SNX29: variants seen among roughly 807,000 people sequenced by gnomAD.
The protein encoded by SNX29 is sorting nexin 29, also known as sorting nexin-29.
A neutral mutation model predicts 102.1 loss-of-function variants in SNX29; 78 were observed. The ratio of observed to expected loss-of-function variants is 0.76; its 90% CI spans 0.64 to 0.92. The LOEUF (loss-of-function observed/expected upper bound fraction) is 0.92. SNX29 is among the 40% of genes least tolerant of loss of function. SNX29 has a pLI of 0.00. For synonymous variants in SNX29, 580 were observed against 414.5 expected, an observed-to-expected ratio of 1.40 and a Z score of -4.85; for missense variants, 1,280 against 1,061.7, an observed-to-expected ratio of 1.21 and a Z score of -2.86.
At chr16:12,366,047 A>C (rs1239197015) in intron 16 of SNX29, among the ~76,000 whole-genome samples, 2 of 105,224 alleles carry the variant, frequency 1.9e-5, no homozygotes, top group African/African-American at 1.0e-4. Context: ...TGTCTCAAAA[A>C]AAAAAAAAAA....
chr16:12,436,891 G>C, intron 18 of SNX29, among the ~76,000 whole-genome samples: 1 of 152,132 alleles, frequency 6.6e-6, no homozygotes, highest in African/African-American at 2.4e-5. Flanking sequence ...GGCCTCAAGT[G>C]GTCTGCCTGC....
At chr16:12,174,347 G>C (rs1018257382) in intron 13 of SNX29, among the ~76,000 whole-genome samples, 1 of 152,198 alleles carries the variant, frequency 6.6e-6, no homozygotes, top group Non-Finnish European at 1.5e-5. Flanking sequence ...AGTTAGCCTA[G>C]TGACCTCTTT....
chr16:12,113,839 C>T (rs1355658554), intron 11 of SNX29, among the ~76,000 whole-genome samples: 6 of 152,220 alleles, frequency 3.9e-5, no homozygotes, highest in Non-Finnish European at 7.3e-5. Flanking sequence ...TAATGTGCCA[C>T]ATTCACTTGC....
chr16:12,556,091 C>A (rs1049460617), intron 20 of SNX29, among the ~76,000 whole-genome samples: 1 of 152,154 alleles, frequency 6.6e-6, no homozygotes, highest in Admixed American at 6.5e-5. Flanking sequence ...TTAATTTCTG[C>A]TTTCATTGAG....
chr16:12,179,900 A>T (rs2076343458), intron 13 of SNX29, among the ~76,000 whole-genome samples: 1 of 146,202 alleles, frequency 6.8e-6, no homozygotes, highest in Non-Finnish European at 1.5e-5. Flanking sequence ...GCCCAAAGGA[A>T]CTCTTCTTTC....
intron 20 of SNX29, among the ~76,000 whole-genome samples, chr16:12,538,498 A>T (rs1033461910): frequency 1.3e-5 from 2 of 152,170 alleles, no homozygotes; most frequent in Middle Eastern, 6.3e-3. Flanking sequence ...CATCTATGAT[A>T]CTTTGTTGGT....
chr16:12,163,157 C>G (rs1421150262), intron 13 of SNX29, among the ~76,000 whole-genome samples: 1 of 152,224 alleles, frequency 6.6e-6, no homozygotes, highest in Non-Finnish European at 1.5e-5. Flanking sequence ...CCTGGGATTA[C>G]AGGCGTGAGC....
intron 18 of SNX29, among the ~76,000 whole-genome samples, chr16:12,451,514 G>GT (rs1404476446): frequency 6.6e-6 from 1 of 152,202 alleles, no homozygotes. Context: ...ATTCCATGCA[G>GT]CAGCCTTTTA....
chr16:12,396,421 C>T (rs2083723945), intron 16 of SNX29, among the ~76,000 whole-genome samples: 3 of 152,088 alleles, frequency 2.0e-5, no homozygotes, highest in East Asian at 1.9e-4. Flanking sequence ...AAGGCGGTGG[C>T]GATTGTGTGT....
chr16:12,340,065 A>C (rs2081568395), intron 15 of SNX29, among the ~76,000 whole-genome samples: 2 of 152,268 alleles, frequency 1.3e-5, no homozygotes, highest in African/African-American at 2.4e-5. Context: ...CAAATGAGGA[A>C]TTGGAGACGA....
chr16:12,309,633 G>T (rs150144831), intron 15 of SNX29, among the ~76,000 whole-genome samples: 2 of 152,292 alleles, frequency 1.3e-5, no homozygotes, highest in Non-Finnish European at 2.9e-5. Context: ...GGTCTTTTCT[G>T]AGCATGTGGT....
chr16:12,057,184 T>C (rs1475399675), intron 8 of SNX29, among the ~76,000 whole-genome samples: 1 of 152,208 alleles, frequency 6.6e-6, no homozygotes, highest in Non-Finnish European at 1.5e-5. Context: ...GAAACATAAT[T>C]CAGAAAGGAC....
intron 3 of SNX29, among the ~76,000 whole-genome samples, chr16:12,022,895 CTTTT>C (rs34712388): frequency 2.4e-5 from 3 of 124,164 alleles, no homozygotes; most frequent in Non-Finnish European, 1.7e-5. Context: ...TACCTTATTC[CTTTT>C]TTTTTTTTTT....
chr16:12,127,953 G>A (rs143327649), intron 12 of SNX29, among the ~76,000 whole-genome samples: 4 of 152,024 alleles, frequency 2.6e-5, no homozygotes, highest in Non-Finnish European at 5.9e-5. Flanking sequence ...GTGGGGAGAG[G>A]GGGGTGTGTG....
intron 3 of SNX29, among the ~76,000 whole-genome samples, chr16:12,004,467 C>T (rs908776423): frequency 1.3e-5 from 2 of 152,160 alleles, no homozygotes; most frequent in African/African-American, 4.8e-5. Context: ...GTAGGAGACA[C>T]ATAGGCATCC....
chr16:12,016,878 G>C (rs778693651), intron 3 of SNX29, among the ~76,000 whole-genome samples: 2 of 151,994 alleles, frequency 1.3e-5, no homozygotes, highest in African/African-American at 4.8e-5. Context: ...TATAATTCTA[G>C]CACTTTGGGA....
intron 15 of SNX29, among the ~76,000 whole-genome samples, chr16:12,303,787 T>A (rs1358383184): frequency 6.6e-6 from 1 of 152,228 alleles, no homozygotes; most frequent in Non-Finnish European, 1.5e-5. Context: ...AATTAGATGT[T>A]CTGGAAGCAT....
At position 12,477,809 on chromosome 16, in the gene SNX29, C is replaced by T. The variant is rs755225287; in HGVS notation, c.2128C>T (p.Pro710Ser). ...SLHHKLQNKY[P>S]QVRAYNFPPK... ...GCACCACAAGTTACAAAACAAGTAC[C>T]CTCAAGTGAGGGCCTACAACTTCCC... The change falls in exon 19 of 21, where the codon CCT becomes TCT. Residue 710 changes from proline (P) to serine (S), a missense_variant. Coordinates refer to ENST00000566228, the MANE Select transcript of SNX29 (RefSeq NM_032167.5). The T allele has an allele frequency of 2.5e-6, 4 of 1,613,336 alleles. No individual in the cohort carries two copies. The highest frequency in any genetic ancestry group is 3.3e-5 in the Admixed American group (2 of 59,822).
chr16:12,267,248 G>GTGTGTGTA (rs746162272), intron 14 of SNX29, among the ~76,000 whole-genome samples: 1 of 151,392 alleles, frequency 6.6e-6, no homozygotes, highest in African/African-American at 2.4e-5. Flanking sequence ...GGGTGCGAGT[G>GTGTGTGTA]TGTGTGTGTG....
Sources: gnomAD v4.1 joint callset for allele counts (sites outside exome capture counted in the v4.1 genomes callset) on GRCh38, gnomAD v4.1.1 for gene constraint, MANE v1.5 for transcripts, NCBI Gene and HGNC (gene_info 2026-07-23, HGNC 2026-07-21) for gene names.